COL4A6: variants seen among roughly 807,000 people sequenced by gnomAD.
COL4A6 encodes the protein collagen type IV alpha 6 chain, also known as collagen alpha-6(IV) chain.
In COL4A6, 59 loss-of-function variants were observed where a neutral mutation model predicts 126.7. That is an observed-to-expected ratio of 0.47 (90% CI 0.38 to 0.58). The LOEUF (loss-of-function observed/expected upper bound fraction) is 0.58. Ranked by LOEUF, COL4A6 falls within the 20% of genes least tolerant of loss-of-function variation. The probability of loss-of-function intolerance (pLI) is 0.00; values close to 1 mark genes in which losing one functional copy is unlikely to be tolerated. For synonymous variants in COL4A6, 547 were observed against 496.6 expected (o/e 1.10, Z -1.35); for missense variants, 1,285 against 1,337.3 (o/e 0.96, Z 0.61).
In COL4A6 at chrX:108,159,590, G is replaced by A; in HGVS notation, c.4684C>T (p.Gln1562Ter). Reference sequence around the variant, plus strand: ...CACACAGAGCAGCGGCTGATGTACTGGGGAATCTGGGTCTGGCTGACGGGC... The same window carrying A: ...CACACAGAGCAGCGGCTGATGTACTAGGGAATCTGGGTCTGGCTGACGGGC... ...MMPVSQTQIPQYISRCSVCEA... is the reference protein window; with the variant it reads ...MMPVSQTQIP Residue 1562 changes from glutamine (Q) to a stop codon, truncating the protein, a stop_gained, in exon 44 of 45, where the codon CAG (glutamine) becomes TAG (stop). Coordinates refer to ENST00000334504, the MANE Select transcript of COL4A6 (RefSeq NM_033641.4). LOFTEE classifies it high-confidence loss of function. 8.2e-7 allele frequency: 1 copy of A among 1,212,399 alleles called. No homozygotes were observed. Among genetic ancestry groups the A allele is most frequent in the Non-Finnish European group, 1.1e-6 (1 of 895,612 alleles).
upstream of COL4A6, chrX:108,439,390 A>G: frequency 1.3e-6 from 1 of 787,811 alleles, no homozygotes; most frequent in Non-Finnish European, 1.8e-6. Context: ...TTTATTCCCA[A>G]TATTTTCACA....
intron 2 of COL4A6, among the ~76,000 whole-genome samples, chrX:108,353,712 AG>A (rs2039892424): frequency 8.9e-6 from 1 of 112,103 alleles, no homozygotes; most frequent in African/African-American, 3.2e-5. Flanking sequence ...ATGCAAGATA[AG>A]TACTCCAGGA....
At chrX:108,367,450 TG>T (rs199785458) in intron 2 of COL4A6, among the ~76,000 whole-genome samples, 1 of 111,499 alleles carries the variant, frequency 9.0e-6, no homozygotes, top group East Asian at 2.8e-4. Flanking sequence ...CATACCCTCG[TG>T]TCTTAAAGAC....
rs1038566399 is a variant in COL4A6 at position 108,169,934 on chromosome X, G to T, written c.3565+11C>A. On this transcript the variant is annotated intron_variant, in intron 36 of 44. Coordinates refer to ENST00000334504, the MANE Select transcript of COL4A6 (RefSeq NM_033641.4). Reference sequence around the variant, plus strand: ...TGATGCCCTCCTCTTCACCCTGAGGGTCTTCCTAACCTGGAGTGCCATGGG... The same window carrying T: ...TGATGCCCTCCTCTTCACCCTGAGGTTCTTCCTAACCTGGAGTGCCATGGG... The T allele has an allele frequency of 1.7e-6, 2 of 1,173,315 alleles. No homozygotes were observed. The highest frequency in any genetic ancestry group is 3.6e-5 in the African/African-American group (2 of 56,124).
intron 3 of COL4A6, among the ~76,000 whole-genome samples, chrX:108,227,098 T>C (rs1315973551): frequency 8.9e-6 from 1 of 111,820 alleles, no homozygotes; most frequent in Non-Finnish European, 1.9e-5. Flanking sequence ...CCACCCAATG[T>C]GTGGGCTAGG....
chrX:108,236,395 C>T (rs1225526839), intron 3 of COL4A6, among the ~76,000 whole-genome samples: 2 of 111,171 alleles, frequency 1.8e-5, no homozygotes, highest in Admixed American at 9.5e-5. Flanking sequence ...GAAAGATCTC[C>T]CAAAGGCAAA....
At chrX:108,166,384 A>G (rs888484278) in intron 37 of COL4A6, among the ~76,000 whole-genome samples, 1 of 112,715 alleles carries the variant, frequency 8.9e-6, no homozygotes, top group Non-Finnish European at 1.9e-5. Context: ...ACTTTGGGAT[A>G]TTCTAGAAGA....
chrX:108,158,388 G>T (rs2033806904), intron 44 of COL4A6, among the ~76,000 whole-genome samples: 1 of 112,565 alleles, frequency 8.9e-6, no homozygotes, highest in South Asian at 3.7e-4. Flanking sequence ...ATATCTTCAG[G>T]AATAATATTC....
chrX:108,187,991 C>T lies in COL4A6; in HGVS notation c.1624G>A (p.Gly542Arg). ...VGPLGPSGPK[G>R]KKGEPILSTI... Reference sequence around the variant, plus strand: ...CTGAGAATTGGTTCCCCCTTCTTTCCTTTGGGTCCTGAAGGACCCAGAGGC... The same window carrying T: ...CTGAGAATTGGTTCCCCCTTCTTTCTTTTGGGTCCTGAAGGACCCAGAGGC... Residue 542 changes from glycine to arginine, a missense_variant, in exon 22 of 45, where the codon GGA (glycine) becomes AGA (arginine). Physicochemically the swap from Gly to Arg is moderately radical, Grantham distance 125. Transcript: ENST00000334504. 1 of 1,202,159 alleles carries T rather than the reference C, an allele frequency of 8.3e-7. No individual in the cohort carries two copies. Among genetic ancestry groups the T allele is most frequent in the Non-Finnish European group, 1.1e-6 (1 of 889,115 alleles).
chrX:108,362,672 T>A (rs1460950536), intron 2 of COL4A6, among the ~76,000 whole-genome samples: 1 of 112,344 alleles, frequency 8.9e-6, no homozygotes, highest in Non-Finnish European at 1.9e-5. Context: ...TTAGACAGCT[T>A]TTCCTTATAT....
At chrX:108,324,256 G>C (rs2039099255) in intron 2 of COL4A6, among the ~76,000 whole-genome samples, 1 of 111,681 alleles carries the variant, frequency 9.0e-6, no homozygotes, top group African/African-American at 3.3e-5. Flanking sequence ...TGGACTAGTG[G>C]GACACAGTCT....
intron 2 of COL4A6, among the ~76,000 whole-genome samples, chrX:108,407,165 T>C (rs1470528304): frequency 2.7e-5 from 3 of 112,367 alleles, no homozygotes; most frequent in Non-Finnish European, 5.6e-5. Flanking sequence ...ATGACTTTTA[T>C]ATGGTTGCTA....
At chrX:108,238,931 C>T (rs1325832521) in intron 3 of COL4A6, among the ~76,000 whole-genome samples, 1 of 112,161 alleles carries the variant, frequency 8.9e-6, no homozygotes, top group Non-Finnish European at 1.9e-5. Context: ...ATTTGCACGT[C>T]TCTGAATACT....
intron 2 of COL4A6, among the ~76,000 whole-genome samples, chrX:108,351,533 C>T (rs895554344): frequency 1.8e-4 from 19 of 104,503 alleles, no homozygotes; most frequent in Non-Finnish European, 3.5e-4. Context: ...CTGGGGAGAC[C>T]CTCACAGCCA....
intron 3 of COL4A6, among the ~76,000 whole-genome samples, chrX:108,238,108 G>GT (rs1354564833): frequency 2.2e-4 from 23 of 102,882 alleles, no homozygotes; most frequent in African/African-American, 8.1e-4. Flanking sequence ...GTGTGTGTGT[G>GT]TGTGTTTTTT....
intron 23 of COL4A6, among the ~76,000 whole-genome samples, chrX:108,183,068 G>T (rs1282287599): frequency 1.8e-5 from 2 of 112,288 alleles, no homozygotes; most frequent in African/African-American, 6.5e-5. Context: ...CCACACTTGT[G>T]TATTGTAAGC....
chrX:108,291,581 A>G (rs1025773340), intron 3 of COL4A6, among the ~76,000 whole-genome samples: 2 of 110,711 alleles, frequency 1.8e-5, no homozygotes, highest in African/African-American at 6.6e-5. Context: ...TAGGGCTCTG[A>G]TTAGTATCTT....
intron 3 of COL4A6, among the ~76,000 whole-genome samples, chrX:108,296,635 C>T (rs2038334061): frequency 8.9e-6 from 1 of 112,164 alleles, no homozygotes; most frequent in Non-Finnish European, 1.9e-5. Flanking sequence ...GGCTCATAAT[C>T]AGTAGGGGAG....
chrX:108,416,208 C>T (rs1332080601), intron 2 of COL4A6, among the ~76,000 whole-genome samples: 1 of 111,818 alleles, frequency 8.9e-6, no homozygotes, highest in Non-Finnish European at 1.9e-5. Context: ...TAGCCTTTGA[C>T]CCTCCACAAA....
Sources: allele counts gnomAD v4.1 joint callset (sites outside exome capture counted in the v4.1 genomes callset), GRCh38; gene constraint gnomAD v4.1.1; transcripts MANE v1.5; gene names NCBI Gene and HGNC (gene_info 2026-07-23, HGNC 2026-07-21).